POTEC: variants seen among roughly 807,000 people sequenced by gnomAD.
POTEC encodes the protein ANKRD26-like family B member 2.
POTEC carries 35 observed loss-of-function variants against 62.0 expected under a neutral mutation model. The observed-to-expected ratio is 0.56, with a 90% CI of 0.43 to 0.75. The LOEUF (loss-of-function observed/expected upper bound fraction) is 0.75. POTEC is among the 30% of genes least tolerant of loss of function. The pLI is 0.00. For synonymous variants in POTEC, 156 were observed against 221.5 expected (o/e 0.70, Z 2.62); for missense variants, 472 against 655.9 (o/e 0.72, Z 3.06).
intron 9 of POTEC, among the ~76,000 whole-genome samples, chr18:14,517,047 ATAAT>A (rs1910184804): frequency 6.7e-6 from 1 of 150,282 alleles, no homozygotes; most frequent in African/African-American, 2.5e-5. Context: ...CAGAAAGAAA[ATAAT>A]TAATTTTAAG....
intron 9 of POTEC, among the ~76,000 whole-genome samples, chr18:14,514,268 G>A (rs1487562531): frequency 6.6e-6 from 1 of 151,778 alleles, no homozygotes; most frequent in African/African-American, 2.4e-5. Context: ...ACACTCCTAT[G>A]ACAATCTAAT....
chr18:14,516,335 T>TATATATATATATA (rs1308067956), intron 9 of POTEC, among the ~76,000 whole-genome samples: 1 of 69,946 alleles, frequency 1.4e-5, no homozygotes, highest in Non-Finnish European at 2.7e-5. Flanking sequence ...TATATATATA[T>TATATATATATATA]ACCTATACCT....
At chr18:14,525,103 T>TAAAATAA in intron 6 of POTEC, 120 bp from the exon 7 acceptor site, 1 of 1,433,956 alleles carries the variant, frequency 7.0e-7, no homozygotes, top group Non-Finnish European at 9.4e-7. Context: ...GAGTGTTTAG[T>TAAAATAA]CTTTCATGAA....
In POTEC at chr18:14,508,912, T is replaced by C. The variant is rs189961620; in HGVS notation, c.*2986A>G. The C allele has an allele frequency of 2.0e-5, 3 of 152,236 alleles. No homozygotes were observed. The highest frequency in any genetic ancestry group is 4.1e-4 in the South Asian group (2 of 4,838). The allele number at this position is 152,236 out of a possible 1,614,324, so 9.4% of individuals were successfully genotyped here. A position where few individuals can be genotyped will look rare whatever the true frequency, so the allele number is the denominator to read the frequency against. On this transcript the variant is annotated 3_prime_UTR_variant, in exon 11 of 11. Coordinates refer to ENST00000358970, the MANE Select transcript of POTEC (RefSeq NM_001137671.2). ...ACCTTTGGACAGGGTATTTTTCCTT[T>C]ATTATATCTGATGACCTTGAGGATT...
At chr18:14,524,441 T>C (rs1910386713) in intron 7 of POTEC, among the ~76,000 whole-genome samples, 1 of 152,174 alleles carries the variant, frequency 6.6e-6, no homozygotes, top group African/African-American at 2.4e-5. Flanking sequence ...TGAATCCAGC[T>C]CAGGGACCTT....
chr18:14,516,916 G>T (rs1197003445), intron 9 of POTEC, among the ~76,000 whole-genome samples: 1 of 150,934 alleles, frequency 6.6e-6, no homozygotes, highest in Admixed American at 6.6e-5. Context: ...AACAAGAAAA[G>T]GAATTTAAAA....
At chr18:14,535,941 A>C (rs928211640) in intron 3 of POTEC, among the ~76,000 whole-genome samples, 12 of 152,164 alleles carry the variant, frequency 7.9e-5, no homozygotes, top group African/African-American at 2.7e-4. Flanking sequence ...GATAGTGCCA[A>C]TAATATTCAT....
intron 9 of POTEC, 71 bp from the exon 10 acceptor site, chr18:14,513,856 C>T (rs1244635350): frequency 4.4e-6 from 7 of 1,595,062 alleles, no homozygotes; most frequent in Non-Finnish European, 5.1e-6. Flanking sequence ...AAGATGGCAC[C>T]ATCAGATGTC....
chr18:14,539,837 G>A (rs1458107573), intron 1 of POTEC, among the ~76,000 whole-genome samples: 4 of 152,096 alleles, frequency 2.6e-5, no homozygotes, highest in Admixed American at 1.3e-4. Flanking sequence ...CTCTCAGCTT[G>A]CTCAGGCGCA....
chr18:14,530,104 T>C (rs979604609), intron 6 of POTEC, among the ~76,000 whole-genome samples: 2 of 151,846 alleles, frequency 1.3e-5, no homozygotes, highest in East Asian at 2.0e-4. Flanking sequence ...GTGATAGCAC[T>C]AGATACTCAT....
chr18:14,525,785 A>G (rs1910419640), intron 6 of POTEC, among the ~76,000 whole-genome samples: 1 of 152,180 alleles, frequency 6.6e-6, no homozygotes, highest in South Asian at 2.1e-4. Context: ...CTGCAAAAAT[A>G]GTATCTTACA....
chr18:14,511,943 C>T lies in POTEC; in HGVS notation c.1584G>A (p.Met528Ile), dbSNP rs1456680302. Reference protein sequence around the residue: ...KEEDLLRENSMLQEEIAMLIS... With the variant: ...KEEDLLRENSILQEEIAMLIS... Reference sequence around the variant, plus strand: ...TTAGCATGGCAATTTCTTCCTGCAACATGCTGTTTTCACGCAAGAGATCTT... The same window carrying T: ...TTAGCATGGCAATTTCTTCCTGCAATATGCTGTTTTCACGCAAGAGATCTT... The change falls in exon 11 of 11, where the codon ATG (methionine) becomes ATA (isoleucine). Residue 528 changes from methionine (M) to isoleucine (I), a missense_variant. Met to Ile is a conservative substitution (Grantham distance 10, BLOSUM62 1). Coordinates refer to ENST00000358970, the MANE Select transcript of POTEC (RefSeq NM_001137671.2). The T allele has an allele frequency of 3.7e-6, 6 of 1,613,714 alleles. No homozygotes were observed. Among genetic ancestry groups the T allele is most frequent in the South Asian group, 1.1e-5 (1 of 91,074 alleles).
chr18:14,515,616 C>T (rs899741525), intron 9 of POTEC, among the ~76,000 whole-genome samples: 13 of 150,368 alleles, frequency 8.6e-5, no homozygotes, highest in Non-Finnish European at 1.9e-4. Flanking sequence ...TGATGAGGAC[C>T]CTGAAAGCAA....
chr18:14,517,562 TTAA>T (rs1450431217), intron 9 of POTEC, among the ~76,000 whole-genome samples: 87 of 92,016 alleles, frequency 9.5e-4, no homozygotes, highest in African/African-American at 2.7e-3. Context: ...TTTTTTTTTT[TTAA>T]AATAAAATAC....
chr18:14,537,511 GA>G (rs1303504481), intron 3 of POTEC, among the ~76,000 whole-genome samples: 2 of 148,566 alleles, frequency 1.3e-5, no homozygotes, highest in Non-Finnish European at 3.0e-5. Context: ...ATTCGTTAGG[GA>G]AAAAAAAGTT....
intron 5 of POTEC, among the ~76,000 whole-genome samples, chr18:14,532,567 C>G (rs961897074): frequency 3.0e-4 from 46 of 152,228 alleles, no homozygotes; most frequent in African/African-American, 1.1e-3. Context: ...ATGGAAACAA[C>G]AGAATGATTG....
Position 14,537,663 on chromosome 18 carries a change from T to C in POTEC, c.810+138A>G, listed in dbSNP as rs1001053291. 1.6e-5 allele frequency: 17 copies of C among 1,064,148 alleles called. No homozygotes were observed. In the African/African-American group the frequency reaches 2.4e-4, roughly 15 times the overall value. 65.9% of individuals were successfully genotyped at this position (1,064,148 alleles called of 1,614,324 possible). ...AGTAACAATATTTAAAATAAAGTCT[T>C]AGATAATTAAGTCATTTCAAAATAT... On this transcript the variant is annotated intron_variant, in intron 3 of 10. Coordinates refer to ENST00000358970, the MANE Select transcript of POTEC (RefSeq NM_001137671.2).
At chr18:14,522,178 T>A in intron 9 of POTEC, 76 bp downstream of exon 9, 1 of 1,596,568 alleles carries the variant, frequency 6.3e-7, no homozygotes, top group South Asian at 1.1e-5. Flanking sequence ...AATTTGTTCA[T>A]CATGAATATT....
At position 14,511,795 on chromosome 18, in the gene POTEC, T is replaced by C; in HGVS notation, c.*103A>G. 3 of 1,219,564 alleles carry C rather than the reference T, an allele frequency of 2.5e-6. No individual in the cohort carries two copies. Among genetic ancestry groups the C allele is most frequent in the Non-Finnish European group, 3.6e-6 (3 of 831,494 alleles). The allele number at this position is 1,219,564 out of a possible 1,614,324, so 75.5% of individuals were successfully genotyped here. A position where few individuals can be genotyped will look rare whatever the true frequency, so the allele number is the denominator to read the frequency against. On this transcript the variant is annotated 3_prime_UTR_variant, in exon 11 of 11. Coordinates refer to ENST00000358970, the MANE Select transcript of POTEC (RefSeq NM_001137671.2). ...ATTGGTTTTCGTTAATGCTTCTTCA[T>C]TCAATTGCATAGCCCTTAGAAGTTT...
Sources: gnomAD v4.1 joint callset for allele counts (sites outside exome capture counted in the v4.1 genomes callset) on GRCh38, gnomAD v4.1.1 for gene constraint, MANE v1.5 for transcripts, NCBI Gene and HGNC (gene_info 2026-07-23, HGNC 2026-07-21) for gene names.